The following TRAPPC9 variants were observed in gnomAD, a reference collection of about 807,000 sequenced individuals.
The protein encoded by TRAPPC9 is trafficking protein particle complex subunit 9.
TRAPPC9 carries 83 observed loss-of-function variants against 124.0 expected under a neutral mutation model. That is an observed-to-expected ratio of 0.67 (90% CI 0.56 to 0.80). The LOEUF is 0.80. Among genes scored for constraint, TRAPPC9 ranks in the 30% least tolerant of loss-of-function variants. The pLI is 0.00. For missense variants in TRAPPC9, 1,302 were observed against 1,508.3 expected (o/e 0.86, Z 2.27); for synonymous variants, 638 against 617.5 (o/e 1.03, Z -0.49).
intron 17 of TRAPPC9, among the ~76,000 whole-genome samples, chr8:140,214,622 A>G (rs1415099536): frequency 2.6e-5 from 4 of 152,198 alleles, no homozygotes; most frequent in Non-Finnish European, 1.5e-5. Flanking sequence ...ATTGTCGTTC[A>G]ATTTTACAGA....
chr8:139,925,031 A>G (rs73368183), intron 19 of TRAPPC9, among the ~76,000 whole-genome samples: 394 of 152,292 alleles, frequency 2.6e-3, no homozygotes, highest in African/African-American at 8.9e-3. Context: ...GGGCCACCCC[A>G]CTACAACTCA....
Position 139,962,429 on chromosome 8 carries a change from CT to C in TRAPPC9, c.2810+26296del, listed in dbSNP as rs1225503236. On this transcript the variant is annotated intron_variant, in intron 19 of 22. Transcript: ENST00000438773. ...TGTAAGAACACAAGTTGTATGTTCT[CT>C]TTTTTTCATTCATCCATTCATTCAA... Among the ~76,000 whole-genome samples the C allele has an allele frequency of 5.6e-5, 7 of 125,370 alleles. 2 individuals are homozygous for C. The allele number at this position is 125,370 out of a possible 152,430, so 82.2% of individuals were successfully genotyped here. A position where few individuals can be genotyped will look rare whatever the true frequency, so the allele number is the denominator to read the frequency against.
At chr8:139,841,475 T>C (rs749798078) in intron 21 of TRAPPC9, among the ~76,000 whole-genome samples, 12 of 152,054 alleles carry the variant, frequency 7.9e-5, no homozygotes, top group Non-Finnish European at 1.0e-4. Context: ...GCGTGCCTGC[T>C]TGTCTGGCAG....
chr8:139,988,927 C>T, intron 18 of TRAPPC9, 91 bp from the exon 19 acceptor site: 1 of 877,590 alleles, frequency 1.1e-6, no homozygotes, highest in Non-Finnish European at 1.8e-6. Flanking sequence ...CTTCCCACCA[C>T]TTAAGAAGGG....
intron 19 of TRAPPC9, among the ~76,000 whole-genome samples, chr8:139,971,770 T>C (rs1277832708): frequency 1.6e-4 from 6 of 36,592 alleles, no homozygotes; most frequent in African/African-American, 7.3e-4. Context: ...CACACATATA[T>C]ATATACACAC....
intron 17 of TRAPPC9, among the ~76,000 whole-genome samples, chr8:140,083,614 G>C (rs1300789853): frequency 6.6e-6 from 1 of 152,084 alleles, no homozygotes; most frequent in Non-Finnish European, 1.5e-5. Context: ...GTGTAAACTG[G>C]AGAAAAGAAT....
At chr8:140,189,624 C>T (rs567498164) in intron 17 of TRAPPC9, among the ~76,000 whole-genome samples, 7 of 152,128 alleles carry the variant, frequency 4.6e-5, no homozygotes, top group African/African-American at 1.2e-4. Flanking sequence ...AGAGTAGCAC[C>T]CATTTCTGGG....
At chr8:140,204,298 A>C (rs952641015) in intron 17 of TRAPPC9, among the ~76,000 whole-genome samples, 3 of 152,094 alleles carry the variant, frequency 2.0e-5, no homozygotes, top group Non-Finnish European at 4.4e-5. Context: ...CAGCCATAAA[A>C]AAGGATGAGT....
At chr8:139,979,944 T>C (rs1379624727) in intron 19 of TRAPPC9, among the ~76,000 whole-genome samples, 2 of 151,872 alleles carry the variant, frequency 1.3e-5, no homozygotes, top group Non-Finnish European at 2.9e-5. Flanking sequence ...GCTCTGCCCA[T>C]GGGTGCTGGC....
chr8:140,179,524 G>T (rs1020797121), intron 17 of TRAPPC9, among the ~76,000 whole-genome samples: 1 of 152,044 alleles, frequency 6.6e-6, no homozygotes, highest in South Asian at 2.1e-4. Context: ...AATGTTCAAT[G>T]TGTATTTGAA....
intron 2 of TRAPPC9, among the ~76,000 whole-genome samples, chr8:140,446,362 T>C (rs868038161): frequency 6.7e-6 from 1 of 150,116 alleles, no homozygotes; most frequent in Non-Finnish European, 1.5e-5. Context: ...AAATGGAAAG[T>C]CTGTACAATA....
chr8:140,419,777 T>A (rs1001524881), intron 5 of TRAPPC9, among the ~76,000 whole-genome samples: 4 of 151,760 alleles, frequency 2.6e-5, no homozygotes, highest in Non-Finnish European at 5.9e-5. Context: ...TCCCAGCTAC[T>A]CGGGAGGCTG....
At chr8:140,185,388 A>G (rs1382723413) in intron 17 of TRAPPC9, among the ~76,000 whole-genome samples, 1 of 152,230 alleles carries the variant, frequency 6.6e-6, no homozygotes, top group Non-Finnish European at 1.5e-5. Context: ...GTGCTACGCC[A>G]TCACCAAAAT....
chr8:139,969,700 T>G (rs1835937383), intron 19 of TRAPPC9, among the ~76,000 whole-genome samples: 2 of 152,222 alleles, frequency 1.3e-5, no homozygotes, highest in Admixed American at 1.3e-4. Context: ...GGAATGCTCC[T>G]CGCCCCCCAG....
At chr8:140,217,717 T>A (rs1399788597) in intron 17 of TRAPPC9, among the ~76,000 whole-genome samples, 1 of 152,154 alleles carries the variant, frequency 6.6e-6, no homozygotes, top group Non-Finnish European at 1.5e-5. Context: ...CAAGCTAGTA[T>A]ATTCAATGCC....
At chr8:140,046,941 T>C (rs1377667510) in intron 17 of TRAPPC9, among the ~76,000 whole-genome samples, 2 of 152,216 alleles carry the variant, frequency 1.3e-5, no homozygotes, top group Non-Finnish European at 2.9e-5. Flanking sequence ...TGTAGGCCTG[T>C]TCTGAGAAAT....
intron 19 of TRAPPC9, among the ~76,000 whole-genome samples, chr8:139,955,805 G>A (rs572335235): frequency 7.2e-5 from 11 of 152,086 alleles, no homozygotes; most frequent in Non-Finnish European, 1.6e-4. Context: ...CACTAACGTC[G>A]AGGAATCCTC....
chr8:140,419,428 C>CAAAAA (rs61155157), intron 5 of TRAPPC9, among the ~76,000 whole-genome samples: 883 of 79,098 alleles, frequency 0.011, no homozygotes, highest in Non-Finnish European at 0.017. Flanking sequence ...GACTCCGTCT[C>CAAAAA]AAAAAAAAAA....
At chr8:140,446,687 T>C (rs1179581007) in intron 2 of TRAPPC9, among the ~76,000 whole-genome samples, 1 of 152,156 alleles carries the variant, frequency 6.6e-6, no homozygotes, top group Non-Finnish European at 1.5e-5. Flanking sequence ...TCAAGTAAGC[T>C]GGGACTACAG....
Sources: gnomAD v4.1 joint callset for allele counts (sites outside exome capture counted in the v4.1 genomes callset) on GRCh38, gnomAD v4.1.1 for gene constraint, MANE v1.5 for transcripts, NCBI Gene and HGNC (gene_info 2026-07-23, HGNC 2026-07-21) for gene names.